TRIP4: variants seen among roughly 807,000 people sequenced by gnomAD.
The protein encoded by TRIP4 is activating signal cointegrator 1.
A neutral mutation model predicts 81.8 loss-of-function variants in TRIP4; 54 were observed. That is an observed-to-expected ratio of 0.66 (90% confidence interval 0.53 to 0.83). The LOEUF is 0.83. TRIP4 is among the 40% of genes least tolerant of loss of function. The pLI, the probability that TRIP4 is intolerant of heterozygous loss-of-function variation, is 0.00. For missense variants in TRIP4, 662 were observed against 683.6 expected (o/e 0.97, Z 0.35); for synonymous variants, 270 against 242.8 (o/e 1.11, Z -1.04).
intron 12 of TRIP4, among the ~76,000 whole-genome samples, chr15:64,445,616 C>T (rs1055505920): frequency 3.1e-5 from 4 of 130,244 alleles, no homozygotes; most frequent in African/African-American, 1.2e-4. Flanking sequence ...TTACAGTGAG[C>T]TGAGATTGTG....
At chr15:64,411,800 C>G (rs1891770335) in intron 7 of TRIP4, among the ~76,000 whole-genome samples, 1 of 152,068 alleles carries the variant, frequency 6.6e-6, no homozygotes, top group Non-Finnish European at 1.5e-5. Flanking sequence ...CTGACTCAGC[C>G]TCCCAAGTAG....
intron 11 of TRIP4, among the ~76,000 whole-genome samples, chr15:64,441,378 A>G (rs1246858255): frequency 6.6e-6 from 1 of 152,162 alleles, no homozygotes; most frequent in Admixed American, 6.5e-5. Context: ...ATGAGTAAAC[A>G]AAACAAAAAT....
chr15:64,440,855 G>T (rs1473754517), intron 11 of TRIP4, among the ~76,000 whole-genome samples: 1 of 152,060 alleles, frequency 6.6e-6, no homozygotes, highest in Non-Finnish European at 1.5e-5. Context: ...TACTTGCCAA[G>T]ACACAAGCTT....
At chr15:64,444,316 C>T (rs2140312674) in intron 11 of TRIP4, among the ~76,000 whole-genome samples, 1 of 152,206 alleles carries the variant, frequency 6.6e-6, no homozygotes, top group Admixed American at 6.5e-5. Flanking sequence ...GATTGTGTAG[C>T]CAGCATAGTC....
At chr15:64,406,274 T>C in intron 5 of TRIP4, 56 bp from the exon 6 acceptor site, 2 of 1,598,576 alleles carry the variant, frequency 1.3e-6, no homozygotes, top group South Asian at 2.3e-5. Context: ...TGCACACTGG[T>C]ACAACTAATT....
At chr15:64,432,707 C>G (rs1408783378) in intron 11 of TRIP4, among the ~76,000 whole-genome samples, 3 of 151,446 alleles carry the variant, frequency 2.0e-5, no homozygotes, top group African/African-American at 4.9e-5. Flanking sequence ...GTCAGGAGAT[C>G]AAGACTATCC....
At chr15:64,449,271 GTTTT>G (rs1258427389) in intron 12 of TRIP4, among the ~76,000 whole-genome samples, 1 of 148,170 alleles carries the variant, frequency 6.7e-6, no homozygotes, top group Non-Finnish European at 1.5e-5. Flanking sequence ...TTAAATGTTT[GTTTT>G]TTTTGTTTGT....
At chr15:64,422,103 A>T (rs576369316) in intron 9 of TRIP4, among the ~76,000 whole-genome samples, 1 of 152,230 alleles carries the variant, frequency 6.6e-6, no homozygotes, top group South Asian at 2.1e-4. Context: ...GGTTTGTGTA[A>T]GTTCAGCCAA....
At chr15:64,441,767 C>T (rs1354409888) in intron 11 of TRIP4, among the ~76,000 whole-genome samples, 4 of 150,358 alleles carry the variant, frequency 2.7e-5, no homozygotes, top group East Asian at 4.0e-4. Context: ...AGCGAGACTC[C>T]GTCTCAAAAA....
intron 11 of TRIP4, among the ~76,000 whole-genome samples, chr15:64,431,255 T>C (rs1484723868): frequency 6.6e-6 from 1 of 152,074 alleles, no homozygotes; most frequent in Non-Finnish European, 1.5e-5. Flanking sequence ...AATATTCCGA[T>C]AACAGCCCTC....
chr15:64,439,673 G>A (rs774574961), intron 11 of TRIP4, among the ~76,000 whole-genome samples: 2 of 151,426 alleles, frequency 1.3e-5, no homozygotes, highest in East Asian at 1.9e-4. Context: ...ACAGGTGCCC[G>A]CCATCATGCC....
intron 11 of TRIP4, among the ~76,000 whole-genome samples, chr15:64,435,213 CA>C (rs35216763): frequency 0.017 from 856 of 50,392 alleles, 7 homozygotes; most frequent in African/African-American, 0.071. Flanking sequence ...GACCCCATCT[CA>C]AAAAAAAAAA....
chr15:64,414,268 T>C, intron 8 of TRIP4, 57 bp downstream of exon 8: 1 of 1,604,772 alleles, frequency 6.2e-7, no homozygotes, highest in Non-Finnish European at 8.5e-7. Context: ...TTTTGCCTTC[T>C]TTTAAGTATG....
intron 1 of TRIP4, among the ~76,000 whole-genome samples, chr15:64,388,711 AG>A (rs1945917395): frequency 1.3e-5 from 2 of 152,334 alleles, no homozygotes; most frequent in Non-Finnish European, 2.9e-5. Flanking sequence ...GCAGCGTGGT[AG>A]AGTACAAATA....
chr15:64,387,873 G>T lies in TRIP4; in HGVS notation c.10G>T (p.Ala4Ser). 6.5e-7 allele frequency: 1 copy of T among 1,546,630 alleles called. No individual in the cohort carries two copies. Among genetic ancestry groups the T allele is most frequent in the Non-Finnish European group, 8.7e-7 (1 of 1,146,760 alleles). The change falls in exon 1 of 13, where the codon GCT becomes TCT. Residue 4 changes from alanine (A) to serine (S), a missense_variant. Physicochemically the swap from Ala to Ser is moderately conservative, Grantham distance 99 (BLOSUM62 1). Transcript: ENST00000261884. MAV[A>S]GAVSGEPLVH... ...GTTCCGGCTGGGGAAGATGGCGGTG[G>T]CTGGGGCGGTGTCCGGGGAGCCGCT...
intron 11 of TRIP4, among the ~76,000 whole-genome samples, chr15:64,435,003 C>T (rs1396279695): frequency 1.3e-5 from 2 of 150,736 alleles, no homozygotes; most frequent in Admixed American, 6.6e-5. Context: ...GTCACTTGAG[C>T]CCAGGAGTTC....
At chr15:64,400,864 C>T (rs751922652) in intron 5 of TRIP4, 43 bp downstream of exon 5, 1 of 1,480,200 alleles carries the variant, frequency 6.8e-7, no homozygotes, top group Non-Finnish European at 9.4e-7. Context: ...ATGATGGGTA[C>T]CTTGTTGCGT....
chr15:64,432,988 C>T (rs1312323497), intron 11 of TRIP4, among the ~76,000 whole-genome samples: 1 of 152,038 alleles, frequency 6.6e-6, no homozygotes, highest in African/African-American at 2.4e-5. Context: ...CTGTTCTAAA[C>T]ACTAAGAGAA....
intron 9 of TRIP4, among the ~76,000 whole-genome samples, chr15:64,422,927 A>T (rs1014620489): frequency 3.3e-5 from 5 of 152,196 alleles, no homozygotes; most frequent in Non-Finnish European, 7.3e-5. Context: ...ATTTATCTAT[A>T]TTGGGAAACC....
Sources: allele counts gnomAD v4.1 joint callset (sites outside exome capture counted in the v4.1 genomes callset), GRCh38; gene constraint gnomAD v4.1.1; transcripts MANE v1.5; gene names NCBI Gene and HGNC (gene_info 2026-07-23, HGNC 2026-07-21).